The following AGMO variants were observed in gnomAD, a reference collection of about 807,000 sequenced individuals.
The protein encoded by AGMO is alkylglycerol monooxygenase.
In AGMO, 75 loss-of-function variants were observed where a neutral mutation model predicts 60.2. The observed-to-expected ratio is 1.25, with a 90% confidence interval of 1.03 to 1.51. The LOEUF is 1.51. Ranked by LOEUF, AGMO falls within the 40% of genes most tolerant of loss-of-function variation. AGMO has a pLI of 0.00. For missense variants in AGMO, 763 were observed against 525.5 expected, an observed-to-expected ratio of 1.45 and a Z score of -4.42; for synonymous variants, 261 against 177.1, an observed-to-expected ratio of 1.47 and a Z score of -3.76.
In AGMO at chr7:15,499,907, G is replaced by A. The variant is rs952573777; in HGVS notation, c.409+44865C>T. 3.5e-3 allele frequency among the ~76,000 whole-genome samples: 484 copies of A among 137,720 alleles called. 3 individuals carry two copies. Among genetic ancestry groups the A allele is most frequent in the African/African-American group, 0.012 (439 of 37,810 alleles). The allele number at this position is 137,720 out of a possible 152,430, so 90.3% of individuals were successfully genotyped here. ...GGAATGGGAATATTATATGTATTAC[G>A]CACACACACACACACACACACACAC... On this transcript the variant is annotated intron_variant, in intron 3 of 12. Transcript: ENST00000342526.
chr7:15,493,510 T>A (rs11532678), intron 3 of AGMO, among the ~76,000 whole-genome samples: 96,685 of 149,098 alleles, frequency 0.65, 31,796 homozygotes, highest in East Asian at 0.97. Flanking sequence ...CGTAGCTGGG[T>A]CTGCAGGCGC....
intron 3 of AGMO, among the ~76,000 whole-genome samples, chr7:15,535,446 AGG>A: frequency 6.6e-6 from 1 of 152,116 alleles, no homozygotes; most frequent in East Asian, 1.9e-4. Context: ...ATAATAGTTT[AGG>A]AAATTAGTCA....
the AGMO span, among the ~76,000 whole-genome samples, chr7:15,157,802 T>C: frequency 6.6e-6 from 1 of 152,210 alleles, no homozygotes; most frequent in Non-Finnish European, 1.5e-5. Context: ...CTAACTCCTC[T>C]CATAAATTCC....
intron 12 of AGMO, among the ~76,000 whole-genome samples, chr7:15,215,030 TA>T (rs1461320780): frequency 1.3e-5 from 2 of 152,122 alleles, no homozygotes; most frequent in African/African-American, 4.8e-5. Flanking sequence ...GAGTCCAGTA[TA>T]AATTCTGTCA....
intron 5 of AGMO, among the ~76,000 whole-genome samples, chr7:15,394,760 A>T (rs761114869): frequency 2.0e-5 from 3 of 152,224 alleles, no homozygotes; most frequent in African/African-American, 7.2e-5. Context: ...TTGCATCAGT[A>T]ATCTACGGCA....
chr7:15,532,985 T>G (rs1784406606), intron 3 of AGMO, among the ~76,000 whole-genome samples: 1 of 152,122 alleles, frequency 6.6e-6, no homozygotes, highest in Non-Finnish European at 1.5e-5. Context: ...AGCAAAACCC[T>G]GTCTCAAAAG....
intron 10 of AGMO, among the ~76,000 whole-genome samples, chr7:15,375,528 C>G (rs1583475293): frequency 6.6e-6 from 1 of 151,348 alleles, no homozygotes; most frequent in African/African-American, 2.4e-5. Flanking sequence ...TCCAGAGTAG[C>G]TGGGATTACA....
chr7:15,173,963 C>T, the AGMO span, among the ~76,000 whole-genome samples: 1 of 151,530 alleles, frequency 6.6e-6, no homozygotes, highest in Non-Finnish European at 1.5e-5. Flanking sequence ...ATCTTTAATA[C>T]ATTTTAAACT....
At chr7:15,299,750 C>T (rs1784507474) in intron 12 of AGMO, among the ~76,000 whole-genome samples, 2 of 151,636 alleles carry the variant, frequency 1.3e-5, no homozygotes, top group East Asian at 3.9e-4. Flanking sequence ...ATTGCTCGAA[C>T]CCGGGAGGTG....
chr7:15,429,906 T>A (rs969925294), intron 4 of AGMO, among the ~76,000 whole-genome samples: 2 of 151,952 alleles, frequency 1.3e-5, no homozygotes, highest in Admixed American at 6.6e-5. Context: ...TTTATGATGA[T>A]CAGAAAAGAT....
In AGMO at chr7:15,561,762, A is replaced by T. The variant is rs1337699673; in HGVS notation, c.84T>A (p.Thr28=). The change falls in exon 1 of 13, where the codon ACT becomes ACA. Residue 28 remains threonine, a synonymous_variant. Coordinates refer to ENST00000342526, the MANE Select transcript of AGMO (RefSeq NM_001004320.2). ...GCACCTCTTCTAATGTTTGGAATGA[A>T]GTTTCACTGGGTTTCATCGTGTAAA... The part of the protein sequence containing the change: ...MLFYTMKPSE[T]SFQTLEEVPD... 6.2e-7 allele frequency: 1 copy of T among 1,612,212 alleles called. No homozygotes were observed. The highest frequency in any genetic ancestry group is 2.2e-5 in the East Asian group (1 of 44,810).
chr7:15,248,726 C>A (rs992088113), intron 12 of AGMO, among the ~76,000 whole-genome samples: 8 of 152,112 alleles, frequency 5.3e-5, no homozygotes, highest in Non-Finnish European at 5.9e-5. Flanking sequence ...GGAAGAATGA[C>A]AGGAAATGGT....
chr7:15,241,632 G>C (rs982243750), intron 12 of AGMO, among the ~76,000 whole-genome samples: 1 of 152,112 alleles, frequency 6.6e-6, no homozygotes, highest in Non-Finnish European at 1.5e-5. Flanking sequence ...AAGATGAAGA[G>C]ATTCACTGGA....
At chr7:15,220,356 AT>A (rs372853728) in intron 12 of AGMO, among the ~76,000 whole-genome samples, 112 of 150,696 alleles carry the variant, frequency 7.4e-4, no homozygotes, top group African/African-American at 2.6e-3. Flanking sequence ...AGTGGCTGGG[AT>A]TACAGGGGCC....
At chr7:15,449,577 G>A (rs6975472) in intron 3 of AGMO, among the ~76,000 whole-genome samples, 3 of 151,964 alleles carry the variant, frequency 2.0e-5, no homozygotes, top group Admixed American at 1.3e-4. Context: ...TTGTAGCCTA[G>A]GAGCAATAGG....
chr7:15,193,996 T>C, the AGMO span, among the ~76,000 whole-genome samples: 1 of 152,190 alleles, frequency 6.6e-6, no homozygotes, highest in Non-Finnish European at 1.5e-5. Flanking sequence ...CCAACACAAA[T>C]AATTTCAAGA....
chr7:15,430,923 T>TTTTTG, intron 4 of AGMO, 82 bp downstream of exon 4: 1 of 703,038 alleles, frequency 1.4e-6, no homozygotes, highest in Non-Finnish European at 2.1e-6. Context: ...TATTAGTTTT[T>TTTTTG]TTTTTTTTTT....
At chr7:15,211,213 T>C (rs1023731452) in intron 12 of AGMO, among the ~76,000 whole-genome samples, 1 of 152,026 alleles carries the variant, frequency 6.6e-6, no homozygotes, top group Admixed American at 6.6e-5. Flanking sequence ...TTATTGAGTA[T>C]TGACTTACTT....
intron 3 of AGMO, among the ~76,000 whole-genome samples, chr7:15,509,933 T>A (rs1002618253): frequency 1.3e-5 from 2 of 152,106 alleles, no homozygotes; most frequent in African/African-American, 2.4e-5. Flanking sequence ...TTGGGGCGTG[T>A]GGAGAAAAGG....
Sources: gnomAD v4.1 joint callset for allele counts (sites outside exome capture counted in the v4.1 genomes callset) on GRCh38, gnomAD v4.1.1 for gene constraint, MANE v1.5 for transcripts, NCBI Gene and HGNC (gene_info 2026-07-23, HGNC 2026-07-21) for gene names.